Variants in GATB observed in about 807,000 individuals in gnomAD.
The protein encoded by GATB is glutamyl-tRNA amidotransferase subunit B.
In GATB, 39 loss-of-function variants were observed where a neutral mutation model predicts 62.3. The observed-to-expected ratio is 0.63, with a 90% CI of 0.48 to 0.82. The LOEUF is 0.82. Among genes scored for constraint, GATB ranks in the 40% least tolerant of loss-of-function variants. The probability of loss-of-function intolerance (pLI) is 0.00; values close to 1 mark genes in which losing one functional copy is unlikely to be tolerated. For missense variants in GATB, 670 were observed against 684.0 expected (o/e 0.98, Z 0.23); for synonymous variants, 276 against 258.9 (o/e 1.07, Z -0.63).
At position 151,722,316 on chromosome 4, in the gene GATB, C is replaced by G. The variant is rs1051486194; in HGVS notation, c.328-2778G>C. On this transcript the variant is annotated intron_variant, in intron 2 of 12. Transcript: ENST00000263985. The stretch of plus-strand genomic sequence containing the variant: ...GCCCTCAATGAATCCGCAGTGGTGA[C>G]ATGAACCTGCCAGCATCTGCAAACC... 4 of 665,998 alleles carry G rather than the reference C, an allele frequency of 6.0e-6. No homozygotes were observed. The African/African-American group carries it at 7.2e-5, about 12-fold the overall frequency. The allele number at this position is 665,998 out of a possible 1,614,324, so 41.3% of individuals were successfully genotyped here. A position where few individuals can be genotyped will look rare whatever the true frequency, so the allele number is the denominator to read the frequency against.
chr4:151,686,019 C>T (rs1738235586), intron 10 of GATB, among the ~76,000 whole-genome samples: 1 of 152,058 alleles, frequency 6.6e-6, no homozygotes, highest in South Asian at 2.1e-4. Context: ...TGCCACTGCA[C>T]TCTAGCCTGG....
intron 2 of GATB, chr4:151,721,498 T>A (rs535063516): frequency 1.3e-5 from 2 of 152,366 alleles, no homozygotes; most frequent in South Asian, 4.1e-4. Flanking sequence ...GAGCGGTTGT[T>A]ACTGAGATAC....
chr4:151,672,496 C>T, intron 12 of GATB: 1 of 405,156 alleles, frequency 2.5e-6, no homozygotes, highest in South Asian at 5.5e-5. Context: ...CGTGAGCTTG[C>T]TGACACCCTT....
At chr4:151,746,217 G>A (rs1739591276) in intron 2 of GATB, among the ~76,000 whole-genome samples, 1 of 152,184 alleles carries the variant, frequency 6.6e-6, no homozygotes, top group South Asian at 2.1e-4. Context: ...TGTAAACATG[G>A]GTTTGCACAT....
intron 1 of GATB, among the ~76,000 whole-genome samples, chr4:151,759,309 G>C (rs545583989): frequency 1.3e-5 from 2 of 152,146 alleles, no homozygotes; most frequent in Non-Finnish European, 2.9e-5. Flanking sequence ...TAATCACTCA[G>C]TAAATGATGA....
chr4:151,703,834 C>T lies in GATB; in HGVS notation c.1007+17G>A, dbSNP rs1425089105. On this transcript the variant is annotated intron_variant, in intron 8 of 12. Coordinates refer to ENST00000263985, the MANE Select transcript of GATB (RefSeq NM_004564.3). ...GCCCCCGATATATAGCGGTATTTTGCCATAAGGAGTAACCACCTGTAGTCC... is the reference window on the plus strand; with the variant it reads ...GCCCCCGATATATAGCGGTATTTTGTCATAAGGAGTAACCACCTGTAGTCC... The T allele has an allele frequency of 5.2e-6, 8 of 1,550,752 alleles. No homozygotes were observed. The highest frequency in any genetic ancestry group is 3.6e-6 in the Non-Finnish European group (4 of 1,122,230).
At chr4:151,678,277 A>G (rs1057482096) in intron 11 of GATB, among the ~76,000 whole-genome samples, 2 of 152,116 alleles carry the variant, frequency 1.3e-5, no homozygotes, top group African/African-American at 4.8e-5. Context: ...CTACATCTGA[A>G]CCCAGCTGTC....
chr4:151,673,077 C>A, intron 11 of GATB, 181 bp from the exon 12 acceptor site: 1 of 659,450 alleles, frequency 1.5e-6, no homozygotes, highest in Non-Finnish European at 2.5e-6. Context: ...CGTTGGCTCT[C>A]CTGAGGCATC....
At chr4:151,701,599 T>C in intron 8 of GATB, 81 bp from the exon 9 acceptor site, 1 of 992,930 alleles carries the variant, frequency 1.0e-6, no homozygotes, top group Non-Finnish European at 1.4e-6. Flanking sequence ...GTAATATGAA[T>C]GTTTCTGTGT....
At chr4:151,673,955 G>A (rs1737941341) in intron 11 of GATB, 1 of 152,226 alleles carries the variant, frequency 6.6e-6, no homozygotes, top group South Asian at 2.1e-4. Flanking sequence ...AAAGGGAGAT[G>A]CTCTGAGTCT....
intron 2 of GATB, among the ~76,000 whole-genome samples, chr4:151,746,595 T>C (rs1009348428): frequency 1.3e-5 from 2 of 152,214 alleles, no homozygotes; most frequent in Non-Finnish European, 2.9e-5. Context: ...ATGCTGTCCT[T>C]AGTGTAGCTG....
At chr4:151,691,041 T>C (rs553800443) in intron 9 of GATB, among the ~76,000 whole-genome samples, 79 of 152,180 alleles carry the variant, frequency 5.2e-4, no homozygotes, top group Non-Finnish European at 9.1e-4. Flanking sequence ...TTCCATGAGA[T>C]TGGCAAATGC....
chr4:151,738,642 T>C (rs945861167), intron 2 of GATB, among the ~76,000 whole-genome samples: 1 of 152,250 alleles, frequency 6.6e-6, no homozygotes, highest in African/African-American at 2.4e-5. Flanking sequence ...CTTTCACATA[T>C]ATTAACTTCT....
chr4:151,712,906 TG>T (rs1158584566), intron 5 of GATB, among the ~76,000 whole-genome samples: 1 of 152,224 alleles, frequency 6.6e-6, no homozygotes, highest in Non-Finnish European at 1.5e-5. Context: ...GGTACTGGTC[TG>T]TGGCCTGTTA....
intron 2 of GATB, among the ~76,000 whole-genome samples, chr4:151,731,849 A>AGCTGCCCCG (rs1560860183): frequency 6.9e-5 from 10 of 144,224 alleles, no homozygotes; most frequent in African/African-American, 2.1e-4. Flanking sequence ...CAGCCGCCCC[A>AGCTGCCCCG]TCTGAGAAGT....
chr4:151,683,593 C>T (rs1183098106), intron 10 of GATB, among the ~76,000 whole-genome samples: 1 of 152,160 alleles, frequency 6.6e-6, no homozygotes, highest in Non-Finnish European at 1.5e-5. Context: ...CCTGAGAGGC[C>T]CCGTTCACAC....
At position 151,715,976 on chromosome 4, in the gene GATB, G is replaced by A. The variant is rs774088913; in HGVS notation, c.763+33C>T. The A allele has an allele frequency of 6.2e-6, 10 of 1,605,786 alleles. No individual in the cohort carries two copies. The East Asian group carries it at 1.3e-4, about 22-fold the overall frequency. On this transcript the variant is annotated intron_variant, in intron 5 of 12. Coordinates refer to ENST00000263985, the MANE Select transcript of GATB (RefSeq NM_004564.3). ...AGGTTCTAGAAGGCAGGAAGGGAGAGGGAAAGAAGAATACTGCTTCTGTGG... is the reference window on the plus strand; with the variant it reads ...AGGTTCTAGAAGGCAGGAAGGGAGAAGGAAAGAAGAATACTGCTTCTGTGG...
At chr4:151,747,264 T>C (rs1578939451) in intron 2 of GATB, among the ~76,000 whole-genome samples, 5 of 152,320 alleles carry the variant, frequency 3.3e-5, no homozygotes. Flanking sequence ...GGAGCTGGGA[T>C]GGCTTCCTGC....
At chr4:151,701,047 A>G (rs1021371072) in intron 9 of GATB, among the ~76,000 whole-genome samples, 1 of 152,252 alleles carries the variant, frequency 6.6e-6, no homozygotes, top group Non-Finnish European at 1.5e-5. Context: ...ACAGTCTTCA[A>G]GAAGTCTCCA....
Sources: allele counts gnomAD v4.1 joint callset (sites outside exome capture counted in the v4.1 genomes callset), GRCh38; gene constraint gnomAD v4.1.1; transcripts MANE v1.5; gene names NCBI Gene and HGNC (gene_info 2026-07-23, HGNC 2026-07-21).